Variants in CCDC91 observed in about 807,000 individuals in gnomAD.
CCDC91 encodes the protein coiled-coil domain containing 91.
CCDC91 carries 48 observed loss-of-function variants against 63.2 expected under a neutral mutation model. The ratio of observed to expected loss-of-function variants is 0.76; its 90% CI spans 0.60 to 0.97. The LOEUF is 0.97. Among genes scored for constraint, CCDC91 ranks in the 50% least tolerant of loss-of-function variants. CCDC91 has a pLI of 0.00. For synonymous variants in CCDC91, 167 were observed against 165.8 expected, an observed-to-expected ratio of 1.01 and a Z score of -0.06; for missense variants, 500 against 494.6, an observed-to-expected ratio of 1.01 and a Z score of -0.10.
At chr12:28,368,587 G>A (rs762450702) in intron 7 of CCDC91, among the ~76,000 whole-genome samples, 4 of 152,028 alleles carry the variant, frequency 2.6e-5, no homozygotes, top group Admixed American at 6.6e-5. Flanking sequence ...TGTTTACGTC[G>A]CTTTTAATTC....
rs115184514 is a variant in CCDC91, at chr12:28,237,548, A to G, written c.-14-19654A>G. Among the ~76,000 whole-genome samples the G allele has an allele frequency of 7.2e-3, 1,100 of 152,290 alleles. 17 individuals are homozygous for G. Among genetic ancestry groups the G allele is most frequent in the African/African-American group, 0.025 (1,053 of 41,558 alleles). On this transcript the variant is annotated intron_variant, in intron 1 of 12. Transcript: ENST00000536442. ...TTTGAAGATACTAGCCTTGAACATT[A>G]GAGTGATGAGGCTACAAACCAAGGA...
intron 3 of CCDC91, among the ~76,000 whole-genome samples, chr12:28,286,660 G>A (rs1948933424): frequency 6.6e-6 from 1 of 152,156 alleles, no homozygotes; most frequent in African/African-American, 2.4e-5. Context: ...GTGAAATGCT[G>A]CAGTAAATGT....
intron 1 of CCDC91, among the ~76,000 whole-genome samples, chr12:28,243,795 G>A (rs1408300535): frequency 2.6e-5 from 4 of 152,086 alleles, no homozygotes; most frequent in African/African-American, 9.7e-5. Flanking sequence ...CACAAAGAAA[G>A]CAACAAGCCC....
chr12:28,480,862 G>A (rs1455788932), intron 11 of CCDC91, among the ~76,000 whole-genome samples: 1 of 151,884 alleles, frequency 6.6e-6, no homozygotes, highest in Non-Finnish European at 1.5e-5. Context: ...CCTGATAAAG[G>A]GCAGACAACC....
intron 6 of CCDC91, among the ~76,000 whole-genome samples, chr12:28,356,931 A>C (rs1364505923): frequency 6.6e-6 from 1 of 152,194 alleles, no homozygotes; most frequent in Non-Finnish European, 1.5e-5. Context: ...GTAATAATTC[A>C]TTCCAAACAC....
chr12:28,467,854 C>G (rs1028925581), intron 11 of CCDC91, among the ~76,000 whole-genome samples: 1 of 151,884 alleles, frequency 6.6e-6, no homozygotes, highest in Non-Finnish European at 1.5e-5. Flanking sequence ...GTATGCTCCT[C>G]AATGATCAGT....
At chr12:28,528,475 T>TG (rs1941465153) in intron 12 of CCDC91, among the ~76,000 whole-genome samples, 1 of 152,186 alleles carries the variant, frequency 6.6e-6, no homozygotes, top group African/African-American at 2.4e-5. Context: ...CCACAGTATT[T>TG]GGGGTGTCTC....
At chr12:28,467,476 A>G (rs1555220639) in intron 11 of CCDC91, among the ~76,000 whole-genome samples, 6 of 150,966 alleles carry the variant, frequency 4.0e-5, no homozygotes, top group Non-Finnish European at 8.9e-5. Context: ...ATTAGAGCTA[A>G]AGAGAGAGAG....
intron 1 of CCDC91, among the ~76,000 whole-genome samples, chr12:28,252,514 C>A (rs1460682290): frequency 2.0e-5 from 3 of 151,564 alleles, no homozygotes; most frequent in Non-Finnish European, 2.9e-5. Flanking sequence ...TATTTTCTAT[C>A]CGGCAGTTTT....
intron 12 of CCDC91, among the ~76,000 whole-genome samples, chr12:28,542,567 A>G (rs1942703813): frequency 1.3e-5 from 2 of 152,018 alleles, no homozygotes; most frequent in South Asian, 4.1e-4. Flanking sequence ...TTAGGCCTAA[A>G]TTTTCTGACG....
At chr12:28,428,642 A>G (rs1948466542) in intron 8 of CCDC91, among the ~76,000 whole-genome samples, 1 of 150,968 alleles carries the variant, frequency 6.6e-6, no homozygotes, top group Non-Finnish European at 1.5e-5. Flanking sequence ...TGTTTCTTGC[A>G]TATGGAAGAG....
chr12:28,478,299 A>G (rs1951233224), intron 11 of CCDC91, among the ~76,000 whole-genome samples: 1 of 152,160 alleles, frequency 6.6e-6, no homozygotes, highest in African/African-American at 2.4e-5. Flanking sequence ...GCCCTCAGAA[A>G]TAATGCCGCA....
intron 8 of CCDC91, among the ~76,000 whole-genome samples, chr12:28,428,575 A>G (rs1948458305): frequency 6.8e-6 from 1 of 146,024 alleles, no homozygotes; most frequent in Non-Finnish European, 1.5e-5. Flanking sequence ...GTCTCTCCCC[A>G]AAAAAAAAAA....
intron 11 of CCDC91, among the ~76,000 whole-genome samples, chr12:28,462,014 A>G (rs1420862636): frequency 1.3e-5 from 2 of 152,054 alleles, no homozygotes; most frequent in Non-Finnish European, 2.9e-5. Flanking sequence ...CTGTGTATCA[A>G]GAGAGGGTGC....
chr12:28,231,746 T>A (rs1226825019), intron 1 of CCDC91, among the ~76,000 whole-genome samples: 4 of 152,162 alleles, frequency 2.6e-5, no homozygotes, highest in Non-Finnish European at 5.9e-5. Flanking sequence ...TTTAGAAAGG[T>A]CTAGGTGAAT....
chr12:28,450,580 T>C (rs918273125), intron 10 of CCDC91, among the ~76,000 whole-genome samples, 162 bp downstream of exon 10: 3 of 151,806 alleles, frequency 2.0e-5, no homozygotes, highest in Non-Finnish European at 4.4e-5. Flanking sequence ...CTTATATTCT[T>C]ATTAAATTCA....
At chr12:28,302,435 G>T (rs796723886) in intron 3 of CCDC91, among the ~76,000 whole-genome samples, 21 of 152,112 alleles carry the variant, frequency 1.4e-4, no homozygotes, top group African/African-American at 4.8e-4. Context: ...ACATCATTTT[G>T]AGCTACCTAT....
chr12:28,440,288 A>ACT (rs1356163155), intron 8 of CCDC91, among the ~76,000 whole-genome samples: 1 of 152,190 alleles, frequency 6.6e-6, no homozygotes, highest in Non-Finnish European at 1.5e-5. Flanking sequence ...ATATTGCCTC[A>ACT]CTAGGTATGA....
chr12:28,274,544 AG>A (rs1948051281), intron 3 of CCDC91, among the ~76,000 whole-genome samples: 1 of 152,118 alleles, frequency 6.6e-6, no homozygotes, highest in Admixed American at 6.6e-5. Flanking sequence ...CTCTCCTTGA[AG>A]AGGTCCTTCA....
Sources: allele counts gnomAD v4.1 joint callset (sites outside exome capture counted in the v4.1 genomes callset), GRCh38; gene constraint gnomAD v4.1.1; transcripts MANE v1.5; gene names NCBI Gene and HGNC (gene_info 2026-07-23, HGNC 2026-07-21).